Variants in LOC128462377 observed in about 807,000 individuals in gnomAD.
chr16:89,407,306 A>C, the LOC128462377 span, among the ~76,000 whole-genome samples: 1 of 152,184 alleles, frequency 6.6e-6, no homozygotes, highest in East Asian at 1.9e-4. Context: ...ACACGGGGGG[A>C]AAAAGAAAAA....
chr16:89,336,400 AG>A, the LOC128462377 span, among the ~76,000 whole-genome samples: 2 of 152,198 alleles, frequency 1.3e-5, no homozygotes, highest in Non-Finnish European at 2.9e-5. Context: ...TCAAAGACCC[AG>A]GAAGGAAGGA....
At chr16:89,407,674 CACACACACACAT>C in the LOC128462377 span, among the ~76,000 whole-genome samples, 2 of 152,032 alleles carry the variant, frequency 1.3e-5, no homozygotes, top group Non-Finnish European at 1.5e-5. Flanking sequence ...CACATACACA[CACACACACACAT>C]AGACACACAC....
the LOC128462377 span, among the ~76,000 whole-genome samples, chr16:89,389,297 T>A: frequency 6.6e-6 from 1 of 151,990 alleles, no homozygotes; most frequent in African/African-American, 2.4e-5. Flanking sequence ...AGTGCTGGGA[T>A]TACAGGCGTG....
chr16:89,389,998 G>A, the LOC128462377 span, among the ~76,000 whole-genome samples: 1 of 79,326 alleles, frequency 1.3e-5, no homozygotes, highest in Non-Finnish European at 2.4e-5. Flanking sequence ...AGCACCGAGA[G>A]AGAAGATCAC....
chr16:89,415,619 G>C, the LOC128462377 span, among the ~76,000 whole-genome samples: 1 of 151,132 alleles, frequency 6.6e-6, no homozygotes, highest in Non-Finnish European at 1.5e-5. Flanking sequence ...ATGGAGAACA[G>C]GCATTCAAGA....
the LOC128462377 span, among the ~76,000 whole-genome samples, chr16:89,409,180 G>C: frequency 3.9e-5 from 6 of 152,182 alleles, no homozygotes; most frequent in South Asian, 1.2e-3. Context: ...ACGGTCTGAG[G>C]AAATGAGATG....
At chr16:89,356,892 C>A in the LOC128462377 span, among the ~76,000 whole-genome samples, 1 of 152,198 alleles carries the variant, frequency 6.6e-6, no homozygotes. Context: ...TTCTCCCAGG[C>A]CCTGTGGCTG....
the LOC128462377 span, among the ~76,000 whole-genome samples, chr16:89,354,312 C>A: frequency 6.6e-6 from 1 of 151,648 alleles, no homozygotes. Context: ...GAAAAGCCTC[C>A]TTTTCCTTCT....
the LOC128462377 span, among the ~76,000 whole-genome samples, chr16:89,326,059 G>C: frequency 2.5e-4 from 38 of 152,324 alleles, no homozygotes; most frequent in African/African-American, 8.4e-4. Context: ...ACGAAGGGGA[G>C]GAGGAGCAAG....
the LOC128462377 span, among the ~76,000 whole-genome samples, chr16:89,396,246 G>C: frequency 4.6e-5 from 7 of 152,216 alleles, no homozygotes; most frequent in African/African-American, 1.4e-4. Flanking sequence ...AAAATCAAGT[G>C]GATCCACGTC....
At chr16:89,355,846 A>G in the LOC128462377 span, among the ~76,000 whole-genome samples, 4 of 152,304 alleles carry the variant, frequency 2.6e-5, no homozygotes, top group South Asian at 2.1e-4. Flanking sequence ...GCGCAGCCCA[A>G]TGGAAAGGCA....
chr16:89,327,134 C>A, the LOC128462377 span, among the ~76,000 whole-genome samples: 3 of 152,254 alleles, frequency 2.0e-5, no homozygotes, highest in African/African-American at 7.2e-5. Context: ...GGCACCTACA[C>A]TTCTGATGAC....
the LOC128462377 span, among the ~76,000 whole-genome samples, chr16:89,361,942 C>CA: frequency 6.6e-6 from 1 of 152,206 alleles, no homozygotes; most frequent in Non-Finnish European, 1.5e-5. Context: ...TGAGCTGGCA[C>CA]AGCCTTGCAA....
the LOC128462377 span, among the ~76,000 whole-genome samples, chr16:89,336,492 C>T: frequency 6.6e-6 from 1 of 152,228 alleles, no homozygotes; most frequent in Non-Finnish European, 1.5e-5. Flanking sequence ...AGGAGGACTC[C>T]TGTAGCAGGA....
the LOC128462377 span, among the ~76,000 whole-genome samples, chr16:89,343,975 C>T: frequency 6.6e-6 from 1 of 152,226 alleles, no homozygotes; most frequent in African/African-American, 2.4e-5. Flanking sequence ...CCAGCTCTGA[C>T]CGACTGAACC....
chr16:89,388,012 CAAAA>C, the LOC128462377 span, among the ~76,000 whole-genome samples: 1 of 93,994 alleles, frequency 1.1e-5, no homozygotes. Context: ...GACTCCATCT[CAAAA>C]AAAAAAAAAA....
chr16:89,340,397 CCT>C, the LOC128462377 span, among the ~76,000 whole-genome samples: 1 of 152,228 alleles, frequency 6.6e-6, no homozygotes, highest in African/African-American at 2.4e-5. Flanking sequence ...CCTGCAGCCC[CCT>C]GAGTAGCTGA....
At chr16:89,321,542 G>A in the LOC128462377 span, among the ~76,000 whole-genome samples, 3 of 152,014 alleles carry the variant, frequency 2.0e-5, no homozygotes, top group Non-Finnish European at 4.4e-5. Context: ...AGAGGCCTTG[G>A]CATCACCAGG....
the LOC128462377 span, chr16:89,418,240 A>T: frequency 4.2e-5 from 19 of 450,230 alleles, no homozygotes; most frequent in South Asian, 2.6e-4. Flanking sequence ...TTTACAAATC[A>T]ATGACAAAAA....
Sources: gnomAD v4.1 joint callset for allele counts (sites outside exome capture counted in the v4.1 genomes callset) on GRCh38, gnomAD v4.1.1 for gene constraint, MANE v1.5 for transcripts.